Variants in ABL2 observed in about 807,000 individuals in gnomAD.
The protein encoded by ABL2 is tyrosine-protein kinase ABL2.
A neutral mutation model predicts 107.7 loss-of-function variants in ABL2; 49 were observed. The observed-to-expected ratio is 0.45, with a 90% CI of 0.36 to 0.58. The LOEUF is 0.58. Ranked by LOEUF, ABL2 falls within the 20% of genes least tolerant of loss-of-function variation. ABL2 has a pLI of 0.00. For missense variants in ABL2, 1,245 were observed against 1,457.0 expected, an observed-to-expected ratio of 0.85 and a Z score of 2.37; for synonymous variants, 549 against 548.6, an observed-to-expected ratio of 1.00 and a Z score of -0.01.
chr1:179,209,874 CAT>C (rs1333855521), intron 1 of ABL2, among the ~76,000 whole-genome samples: 1 of 152,026 alleles, frequency 6.6e-6, no homozygotes, highest in Non-Finnish European at 1.5e-5. Context: ...TAATAAGAAA[CAT>C]GTTTATTTTT....
intron 1 of ABL2, among the ~76,000 whole-genome samples, chr1:179,159,014 A>T (rs1658880597): frequency 6.6e-6 from 1 of 152,216 alleles, no homozygotes; most frequent in African/African-American, 2.4e-5. Flanking sequence ...CTGTTATATT[A>T]TGAGTATAAA....
intron 1 of ABL2, among the ~76,000 whole-genome samples, chr1:179,154,459 C>G (rs532536862): frequency 6.6e-6 from 1 of 152,336 alleles, no homozygotes; most frequent in African/African-American, 2.4e-5. Context: ...GAAACTCTGA[C>G]TGAGCCACAT....
intron 1 of ABL2, among the ~76,000 whole-genome samples, chr1:179,145,875 G>A (rs949752759): frequency 6.7e-6 from 1 of 150,218 alleles, no homozygotes; most frequent in Non-Finnish European, 1.5e-5. Context: ...TAAGCAGGAT[G>A]GCCATATGGT....
At chr1:179,158,532 C>T (rs1445495835) in intron 1 of ABL2, among the ~76,000 whole-genome samples, 1 of 152,196 alleles carries the variant, frequency 6.6e-6, no homozygotes, top group Admixed American at 6.5e-5. Flanking sequence ...CCCCCACAAC[C>T]ACCTGATTGT....
At chr1:179,160,331 T>C (rs566095026) in intron 1 of ABL2, among the ~76,000 whole-genome samples, 3 of 143,926 alleles carry the variant, frequency 2.1e-5, no homozygotes, top group East Asian at 4.4e-4. Context: ...CTGGGCAACA[T>C]AGTGAGACCC....
intron 1 of ABL2, among the ~76,000 whole-genome samples, chr1:179,190,473 C>T (rs904271803): frequency 5.3e-5 from 8 of 152,314 alleles, no homozygotes; most frequent in Non-Finnish European, 8.8e-5. Flanking sequence ...AAAGCTGTCT[C>T]AACCCAGTAC....
intron 1 of ABL2, among the ~76,000 whole-genome samples, chr1:179,219,317 T>A (rs1371522063): frequency 6.6e-6 from 1 of 152,120 alleles, no homozygotes; most frequent in Non-Finnish European, 1.5e-5. Context: ...GTGCTGGGAT[T>A]ACAGACGTGA....
chr1:179,109,479 G>C lies in ABL2; in HGVS notation c.1826-38C>G, dbSNP rs891552216. The C allele has an allele frequency of 5.1e-6, 8 of 1,566,848 alleles. No individual in the cohort carries two copies. In the African/African-American group the frequency reaches 6.9e-5, roughly 13 times the overall value. ...GGCCGATCAGTAACTTAAAAGACAA[G>C]AAGTGAATCTATTACATTTGAGTTA... On this transcript the variant is annotated intron_variant, in intron 11 of 11. Coordinates refer to ENST00000502732, the MANE Select transcript of ABL2 (RefSeq NM_007314.4).
chr1:179,195,622 G>C (rs1661265198), intron 1 of ABL2, among the ~76,000 whole-genome samples: 1 of 152,076 alleles, frequency 6.6e-6, no homozygotes, highest in Admixed American at 6.6e-5. Flanking sequence ...AAAAGTGGAA[G>C]CAATCAAAGT....
intron 1 of ABL2, among the ~76,000 whole-genome samples, chr1:179,201,007 TC>T (rs1661637496): frequency 6.6e-6 from 1 of 152,084 alleles, no homozygotes; most frequent in Non-Finnish European, 1.5e-5. Flanking sequence ...AATTCCAGAC[TC>T]CCAGAAAGAA....
At chr1:179,159,838 GT>G (rs1658954799) in intron 1 of ABL2, among the ~76,000 whole-genome samples, 1 of 152,134 alleles carries the variant, frequency 6.6e-6, no homozygotes, top group African/African-American at 2.4e-5. Flanking sequence ...TAAAGGCTGG[GT>G]GTGGTGCCTC....
intron 1 of ABL2, among the ~76,000 whole-genome samples, chr1:179,148,973 G>C (rs1658201382): frequency 6.7e-6 from 1 of 149,976 alleles, no homozygotes; most frequent in South Asian, 2.1e-4. Flanking sequence ...TCAAGTGAAA[G>C]GAAGAGTTGC....
At chr1:179,143,191 A>C (rs1009413647) in intron 1 of ABL2, 5 of 1,162,098 alleles carry the variant, frequency 4.3e-6, no homozygotes, top group Non-Finnish European at 2.3e-6. Context: ...GTGAGCATTC[A>C]CAATTCCCAA....
chr1:179,118,447 A>T, intron 7 of ABL2, 140 bp downstream of exon 7: 1 of 755,812 alleles, frequency 1.3e-6, no homozygotes, highest in Non-Finnish European at 2.1e-6. Context: ...GTTAGAAGTG[A>T]CATTATAATG....
At chr1:179,158,505 C>G (rs1658846439) in intron 1 of ABL2, among the ~76,000 whole-genome samples, 1 of 152,140 alleles carries the variant, frequency 6.6e-6, no homozygotes. Context: ...ACTATCACAA[C>G]CAGAAAGTTT....
Position 179,102,773 on chromosome 1 carries a change from T to G in ABL2, c.*4945A>C, listed in dbSNP as rs1557897118. 3 of 229,336 alleles carry G rather than the reference T, an allele frequency of 1.3e-5. No homozygotes were observed. Among genetic ancestry groups the G allele is most frequent in the Non-Finnish European group, 2.6e-5 (3 of 115,842 alleles). The allele number at this position is 229,336 out of a possible 1,614,324, so 14.2% of individuals were successfully genotyped here. On this transcript the variant is annotated 3_prime_UTR_variant, in exon 12 of 12. Coordinates refer to ENST00000502732, the MANE Select transcript of ABL2 (RefSeq NM_007314.4). The stretch of plus-strand genomic sequence containing the variant: ...ATGAAATGTAGCTATAATTCAGAAG[T>G]GGCCACCAAGGCAATTTACTTTTGA...
At position 179,102,491 on chromosome 1, in the gene ABL2, A is replaced by G. The variant is rs560625070; in HGVS notation, c.*5227T>C. The G allele has an allele frequency of 3.1e-5, 7 of 226,700 alleles. No homozygotes were observed. The East Asian group carries it at 4.4e-4, about 14-fold the overall frequency. The allele number at this position is 226,700 out of a possible 1,614,324, so 14.0% of individuals were successfully genotyped here. On this transcript the variant is annotated 3_prime_UTR_variant, in exon 12 of 12. Coordinates refer to ENST00000502732, the MANE Select transcript of ABL2 (RefSeq NM_007314.4). ...TGGCTTGATACAAGCTAAGACAGAG[A>G]CACAAACCGCTGAAGCCTATCAATA...
intron 1 of ABL2, among the ~76,000 whole-genome samples, chr1:179,174,018 G>A (rs1367843343): frequency 6.6e-6 from 1 of 152,180 alleles, no homozygotes; most frequent in Admixed American, 6.5e-5. Flanking sequence ...GGCCGGGTGC[G>A]GTGGCTCACG....
intron 1 of ABL2, among the ~76,000 whole-genome samples, chr1:179,173,115 G>A (rs1406247746): frequency 2.6e-5 from 4 of 151,504 alleles, no homozygotes; most frequent in Non-Finnish European, 5.9e-5. Flanking sequence ...GCTGGAAGCC[G>A]GGAGGTGGAG....
Sources: allele counts gnomAD v4.1 joint callset (sites outside exome capture counted in the v4.1 genomes callset), GRCh38; gene constraint gnomAD v4.1.1; transcripts MANE v1.5; gene names NCBI Gene and HGNC (gene_info 2026-07-23, HGNC 2026-07-21).